Variants in AHCTF1 observed in about 807,000 individuals in gnomAD.
The protein encoded by AHCTF1 is protein ELYS.
In AHCTF1, 24 loss-of-function variants were observed where a neutral mutation model predicts 248.4. That is an observed-to-expected ratio of 0.10 (90% confidence interval 0.07 to 0.14). The LOEUF is 0.14. Among genes scored for constraint, AHCTF1 ranks in the 10% least tolerant of loss-of-function variants. The pLI is 1.00. For missense variants in AHCTF1, 2,206 were observed against 2,636.2 expected, an observed-to-expected ratio of 0.84 and a Z score of 3.57; for synonymous variants, 786 against 929.8, an observed-to-expected ratio of 0.85 and a Z score of 2.81.
intron 28 of AHCTF1, 35 bp downstream of exon 28, chr1:246,861,924 A>C: frequency 6.4e-7 from 1 of 1,553,688 alleles, no homozygotes; most frequent in African/African-American, 1.4e-5. Context: ...TTCTTATTAA[A>C]AAATGTCTTT....
chr1:246,850,282 A>C lies in AHCTF1; in HGVS notation c.5724T>G (p.Ser1908Arg). 1.2e-6 allele frequency: 2 copies of C among 1,613,962 alleles called. No homozygotes were observed. Among genetic ancestry groups the C allele is most frequent in the Non-Finnish European group, 1.7e-6 (2 of 1,179,858 alleles). The change falls in exon 33 of 36, where the codon AGT (serine) becomes AGG (arginine). Residue 1908 changes from serine to arginine, a missense_variant. Physicochemically the swap from Ser to Arg is moderately radical, Grantham distance 110. Around this residue, in one of 6 missense-constraint regions of AHCTF1, gnomAD observed 469 missense variants for 470.0 expected, o/e 1.00. Coordinates refer to ENST00000648844, the MANE Select transcript of AHCTF1 (RefSeq NM_001323342.2). Reference sequence around the variant, plus strand: ...TATTTTCAGAAGCATCTAAATTAGTACTTCTCAATTTTCTGATCATTCTGC... The same window carrying C: ...TATTTTCAGAAGCATCTAAATTAGTCCTTCTCAATTTTCTGATCATTCTGC... Reference protein sequence around the residue: ...SPSRMIRKLRSTNLDASENTG... With the variant: ...SPSRMIRKLRRTNLDASENTG...
At chr1:246,855,677 T>A in intron 31 of AHCTF1, 53 bp downstream of exon 31, 1 of 1,397,476 alleles carries the variant, frequency 7.2e-7, no homozygotes, top group Non-Finnish European at 1.0e-6. Flanking sequence ...AGAAAACTCT[T>A]CACTCAAAAC....
At chr1:246,867,153 A>C (rs1662036958) in intron 26 of AHCTF1, 91 bp downstream of exon 26, 2 of 618,172 alleles carry the variant, frequency 3.2e-6, no homozygotes, top group South Asian at 3.3e-5. Context: ...TAATAATTTA[A>C]AAGTCTATAA....
chr1:246,869,884 T>C (rs1662448136), intron 24 of AHCTF1, among the ~76,000 whole-genome samples: 1 of 152,132 alleles, frequency 6.6e-6, no homozygotes, highest in African/African-American at 2.4e-5. Flanking sequence ...AATTTAGAAA[T>C]ACATTTCATA....
In AHCTF1 at chr1:246,877,164, A is replaced by G; in HGVS notation, c.2799T>C (p.Thr933=). Residue 933 remains threonine, a synonymous_variant, in exon 22 of 36, where the codon ACT becomes ACC. Coordinates refer to ENST00000648844, the MANE Select transcript of AHCTF1 (RefSeq NM_001323342.2). ...EDLLKLPFTD[T]EQECLVKFLQ... is the part of the protein sequence containing the mutation. ...TACATCGGTAAGTAATTACCTGCTC[A>G]GTGTCTGTAAATGGTAACTTCAGTA... The G allele has an allele frequency of 1.2e-6, 2 of 1,612,876 alleles. No individual in the cohort carries two copies. The highest frequency in any genetic ancestry group is 1.7e-6 in the Non-Finnish European group (2 of 1,179,860).
chr1:246,916,491 T>C, intron 2 of AHCTF1, 96 bp from the exon 3 acceptor site: 2 of 1,105,000 alleles, frequency 1.8e-6, no homozygotes, highest in Non-Finnish European at 1.3e-6. Flanking sequence ...GTTCATTACA[T>C]AAAACTTTAC....
At chr1:246,841,440 C>G (rs546867513) in intron 35 of AHCTF1, among the ~76,000 whole-genome samples, 2 of 152,200 alleles carry the variant, frequency 1.3e-5, no homozygotes, top group South Asian at 4.1e-4. Flanking sequence ...CACATAGATA[C>G]GCCAGTTTAT....
chr1:246,903,611 C>T (rs1056247226), intron 7 of AHCTF1, among the ~76,000 whole-genome samples: 1 of 150,682 alleles, frequency 6.6e-6, no homozygotes, highest in Non-Finnish European at 1.5e-5. Flanking sequence ...GGGTGGATCA[C>T]GAGGTCAGGA....
At chr1:246,855,167 G>C (rs1225553960) in intron 31 of AHCTF1, among the ~76,000 whole-genome samples, 1 of 152,150 alleles carries the variant, frequency 6.6e-6, no homozygotes, top group African/African-American at 2.4e-5. Context: ...TGAGTTAATA[G>C]ACACAAGATG....
Position 246,850,732 on chromosome 1 carries a change from T to A in AHCTF1, c.5274A>T (p.Ala1758=), listed in dbSNP as rs746188781. ...TCTTAGGAGTAGCAACATCTGCTGA[T>A]GCTTCCTGTTGTGCTGATTTGACAT... ...NVNVKSAQQE[A]SADVATPKMP... is the part of the protein sequence containing the mutation. Residue 1758 remains alanine, a synonymous_variant, in exon 33 of 36, where the codon GCA becomes GCT. Transcript: ENST00000648844. The A allele has an allele frequency of 3.7e-6, 6 of 1,613,938 alleles. No individual in the cohort carries two copies. The highest frequency in any genetic ancestry group is 1.7e-6 in the Non-Finnish European group (2 of 1,179,874).
intron 1 of AHCTF1, among the ~76,000 whole-genome samples, chr1:246,927,831 T>A (rs550807773): frequency 5.9e-5 from 9 of 151,474 alleles, no homozygotes; most frequent in Non-Finnish European, 1.2e-4. Flanking sequence ...GGTGAAACCC[T>A]GTCTCTACTA....
At chr1:246,919,639 G>A (rs1666382768) in intron 1 of AHCTF1, among the ~76,000 whole-genome samples, 1 of 151,428 alleles carries the variant, frequency 6.6e-6, no homozygotes, top group Non-Finnish European at 1.5e-5. Flanking sequence ...CTTGAACCCA[G>A]GAGGTGGAGG....
Position 246,840,674 on chromosome 1 carries a change from T to C in AHCTF1, c.*132A>G, listed in dbSNP as rs187592476. 1.7e-5 allele frequency: 11 copies of C among 649,108 alleles called. No individual in the cohort carries two copies. The highest frequency in any genetic ancestry group is 1.2e-4 in the Admixed American group (3 of 25,524). 40.2% of individuals were successfully genotyped at this position (649,108 alleles called of 1,614,324 possible). On this transcript the variant is annotated 3_prime_UTR_variant, in exon 36 of 36. Coordinates refer to ENST00000648844, the MANE Select transcript of AHCTF1 (RefSeq NM_001323342.2). ...ACTCCATATGGAGTTACTTTACTTA[T>C]TGAAGACCTTCTGTTTACATAAAAA...
At chr1:246,857,961 C>CTTA in intron 29 of AHCTF1, 147 bp from the exon 30 acceptor site, 2 of 441,468 alleles carry the variant, frequency 4.5e-6, no homozygotes, top group Non-Finnish European at 6.8e-6. Flanking sequence ...CTAACACTTT[C>CTTA]TTCTTTTTTT....
At chr1:246,845,991 T>A (rs1660230517) in intron 33 of AHCTF1, among the ~76,000 whole-genome samples, 1 of 151,360 alleles carries the variant, frequency 6.6e-6, no homozygotes, top group Non-Finnish European at 1.5e-5. Context: ...GTGATGTGAG[T>A]GCACAGTCTC....
chr1:246,845,221 CAGT>C (rs770095238), intron 33 of AHCTF1, among the ~76,000 whole-genome samples: 96 of 151,466 alleles, frequency 6.3e-4, no homozygotes, highest in Non-Finnish European at 1.3e-3. Context: ...TGTGGGTACA[CAGT>C]AGGTGTATAT....
chr1:246,872,640 A>G (rs941650744), intron 24 of AHCTF1, among the ~76,000 whole-genome samples: 15 of 152,164 alleles, frequency 9.9e-5, no homozygotes, highest in African/African-American at 3.4e-4. Context: ...AAACATAAGG[A>G]TCACGCTAGC....
In AHCTF1 at chr1:246,842,783, G is replaced by A; in HGVS notation, c.6526-7C>T. On this transcript the variant is annotated splice_polypyrimidine_tract_variant and splice_region_variant and intron_variant, in intron 34 of 35. Coordinates refer to ENST00000648844, the MANE Select transcript of AHCTF1 (RefSeq NM_001323342.2). ...CTGATTGTGCATCATCTTTCTATGG[G>A]TTAAACATTTTAAAAGGTTAAGTAT... 1 of 1,610,106 alleles carries A rather than the reference G, an allele frequency of 6.2e-7. No individual in the cohort carries two copies. The highest frequency in any genetic ancestry group is 8.5e-7 in the Non-Finnish European group (1 of 1,177,102).
chr1:246,842,257 A>C (rs1659925033), intron 35 of AHCTF1, among the ~76,000 whole-genome samples: 1 of 152,140 alleles, frequency 6.6e-6, no homozygotes, highest in Non-Finnish European at 1.5e-5. Context: ...GGGTCTTCTC[A>C]AATCTAATTT....
Sources: allele counts gnomAD v4.1 joint callset (sites outside exome capture counted in the v4.1 genomes callset), GRCh38; gene constraint gnomAD v4.1.1; regional missense constraint gnomAD v4.1.1; transcripts MANE v1.5; gene names NCBI Gene and HGNC (gene_info 2026-07-23, HGNC 2026-07-21).